ATP6V0A2: variants seen among roughly 807,000 people sequenced by gnomAD.
The protein encoded by ATP6V0A2 is V-type proton ATPase 116 kDa subunit a 2.
ATP6V0A2 carries 58 observed loss-of-function variants against 104.4 expected under a neutral mutation model. That is an observed-to-expected ratio of 0.56 (90% CI 0.45 to 0.69). ATP6V0A2 has a LOEUF of 0.69. Ranked by LOEUF, ATP6V0A2 falls within the 30% of genes least tolerant of loss-of-function variation. ATP6V0A2 has a pLI of 0.00. For missense variants in ATP6V0A2, 938 were observed against 1,062.9 expected, an observed-to-expected ratio of 0.88 and a Z score of 1.63; for synonymous variants, 376 against 397.9, an observed-to-expected ratio of 0.95 and a Z score of 0.65.
intron 19 of ATP6V0A2, 53 bp downstream of exon 19, chr12:123,757,039 C>G (rs1168350203): frequency 5.0e-6 from 8 of 1,592,226 alleles, no homozygotes; most frequent in Non-Finnish European, 6.9e-6. Flanking sequence ...TACCCGCCCC[C>G]CCACTGCCCC....
At chr12:123,745,531 C>A (rs1008455163) in intron 13 of ATP6V0A2, among the ~76,000 whole-genome samples, 1 of 151,962 alleles carries the variant, frequency 6.6e-6, no homozygotes, top group Non-Finnish European at 1.5e-5. Flanking sequence ...ACGGTGAAAC[C>A]CCATCTCTAC....
chr12:123,736,621 CCTT>C (rs1160041027), intron 8 of ATP6V0A2, among the ~76,000 whole-genome samples: 3 of 152,100 alleles, frequency 2.0e-5, no homozygotes, highest in Non-Finnish European at 4.4e-5. Flanking sequence ...CATGAAGTGT[CCTT>C]CTGACTCAGT....
intron 18 of ATP6V0A2, chr12:123,756,187 AGAGCAAACC>A (rs1956762380): frequency 1.3e-5 from 2 of 151,364 alleles, no homozygotes. Flanking sequence ...TAAAGGCCAC[AGAGCAAACC>A]ATTTTTCCCA....
intron 18 of ATP6V0A2, chr12:123,756,465 G>A (rs1205321391): frequency 3.1e-5 from 8 of 258,964 alleles, no homozygotes; most frequent in Non-Finnish European, 5.9e-5. Flanking sequence ...TTTACTCATG[G>A]TCATCCAGTT....
chr12:123,746,430 A>G (rs1313636090), intron 13 of ATP6V0A2, among the ~76,000 whole-genome samples: 1 of 151,940 alleles, frequency 6.6e-6, no homozygotes, highest in East Asian at 1.9e-4. Flanking sequence ...CTAAAATCTT[A>G]TTTTTGCAAG....
intron 2 of ATP6V0A2, among the ~76,000 whole-genome samples, chr12:123,720,061 TCGG>T (rs1296381372): frequency 6.6e-6 from 1 of 152,146 alleles, no homozygotes; most frequent in East Asian, 1.9e-4. Flanking sequence ...TTCCTTTCTC[TCGG>T]CTGACCTTAC....
At chr12:123,733,779 G>T in intron 6 of ATP6V0A2, 147 bp from the exon 7 acceptor site, 1 of 690,046 alleles carries the variant, frequency 1.4e-6, no homozygotes, top group Admixed American at 2.2e-5. Flanking sequence ...ACAAGTAGGT[G>T]AATTCGTAAT....
Position 123,733,728 on chromosome 12 carries a change from A to T in ATP6V0A2, c.649-198A>T, listed in dbSNP as rs1458070850. 3 of 587,098 alleles carry T rather than the reference A, an allele frequency of 5.1e-6. No individual in the cohort carries two copies. In the African/African-American group the frequency reaches 5.6e-5, roughly 11 times the overall value. 36.4% of individuals were successfully genotyped at this position (587,098 alleles called of 1,614,324 possible). A position where few individuals can be genotyped will look rare whatever the true frequency, so the allele number is the denominator to read the frequency against. ...CCTAAAAGTTTTGGCTGCTCTGCAC[A>T]TGACTGGAAGCGCTCCGTGGATTGG... On this transcript the variant is annotated intron_variant, in intron 6 of 19. Coordinates refer to ENST00000330342, the MANE Select transcript of ATP6V0A2 (RefSeq NM_012463.4).
At position 123,761,595 on chromosome 12, in the gene ATP6V0A2, G is replaced by A. The variant is rs556596882; in HGVS notation, c.*3563G>A. 1.3e-5 allele frequency: 2 copies of A among 152,298 alleles called. No homozygotes were observed. Among genetic ancestry groups the A allele is most frequent in the South Asian group, 4.1e-4 (2 of 4,828 alleles). The allele number at this position is 152,298 out of a possible 1,614,324, so 9.4% of individuals were successfully genotyped here. On this transcript the variant is annotated 3_prime_UTR_variant, in exon 20 of 20. Transcript: ENST00000330342. ...TAAGAAGGCTAGGTAGGTTCTTAGGGTTAGCCTGAGTCATCTAGGGGCTCA... is the reference window on the plus strand; with the variant it reads ...TAAGAAGGCTAGGTAGGTTCTTAGGATTAGCCTGAGTCATCTAGGGGCTCA...
Position 123,733,924 on chromosome 12 carries a change from A to T in ATP6V0A2, c.649-2A>T. The stretch of plus-strand genomic sequence containing the variant: ...ACACTTATCCTTATTCATTCTTTGT[A>T]GGGGGAAGTCATAAAATGGTATGTC... On this transcript the variant is annotated splice_acceptor_variant, in intron 6 of 19. Coordinates refer to ENST00000330342, the MANE Select transcript of ATP6V0A2 (RefSeq NM_012463.4). LOFTEE classifies it high-confidence loss of function. 1 of 1,609,050 alleles carries T rather than the reference A, an allele frequency of 6.2e-7. No individual in the cohort carries two copies. Among genetic ancestry groups the T allele is most frequent in the Non-Finnish European group, 8.5e-7 (1 of 1,175,366 alleles).
chr12:123,759,864 CAT>C lies in ATP6V0A2; in HGVS notation c.*1835_*1836del, dbSNP rs1429509730. The C allele has an allele frequency of 6.6e-6, 1 of 152,212 alleles. No homozygotes were observed. Among genetic ancestry groups the C allele is most frequent in the African/African-American group, 2.4e-5 (1 of 41,442 alleles). 9.4% of individuals were successfully genotyped at this position (152,212 alleles called of 1,614,324 possible). The stretch of plus-strand genomic sequence containing the variant: ...TTTGGACTTACTGCTTTTTGTCCCT[CAT>C]ATTAAATTATCAAATGATGCCGATG... On this transcript the variant is annotated 3_prime_UTR_variant, in exon 20 of 20. Coordinates refer to ENST00000330342, the MANE Select transcript of ATP6V0A2 (RefSeq NM_012463.4).
Position 123,712,461 on chromosome 12 carries a change from AC to A in ATP6V0A2, c.-104del. ...CATAGTGCGGGGCCGCGGCCAGGCCACAGGAAGAGCTCGAGGCCCGGGCCGC... is the reference window on the plus strand; with the variant it reads ...CATAGTGCGGGGCCGCGGCCAGGCCAAGGAAGAGCTCGAGGCCCGGGCCGC... On this transcript the variant is annotated 5_prime_UTR_variant, in exon 1 of 20. Coordinates refer to ENST00000330342, the MANE Select transcript of ATP6V0A2 (RefSeq NM_012463.4). 1 of 668,634 alleles carries A rather than the reference AC, an allele frequency of 1.5e-6. No individual in the cohort carries two copies. The highest frequency in any genetic ancestry group is 3.6e-5 in the East Asian group (1 of 27,718). 41.4% of individuals were successfully genotyped at this position (668,634 alleles called of 1,614,324 possible). A position where few individuals can be genotyped will look rare whatever the true frequency, so the allele number is the denominator to read the frequency against.
intron 18 of ATP6V0A2, 34 bp downstream of exon 18, chr12:123,754,571 C>A: frequency 6.9e-7 from 1 of 1,445,986 alleles, no homozygotes; most frequent in Non-Finnish European, 9.7e-7. Context: ...GTTCCCAATG[C>A]CCTGTAGTGC....
rs1386619237 is a variant in ATP6V0A2, at chr12:123,727,971, G to C, written c.648+62G>C. ...GACTAACAGCAGAGTTGGAGATATG[G>C]TAGAAAGAATGTTTTTCTCCTGAAC... On this transcript the variant is annotated intron_variant, in intron 6 of 19. Coordinates refer to ENST00000330342, the MANE Select transcript of ATP6V0A2 (RefSeq NM_012463.4). The C allele has an allele frequency of 4.4e-6, 7 of 1,609,024 alleles. No individual in the cohort carries two copies. The Admixed American group carries it at 5.0e-5, about 12-fold the overall frequency.
chr12:123,722,185 A>T (rs1401129291), intron 2 of ATP6V0A2, among the ~76,000 whole-genome samples, 166 bp from the exon 3 acceptor site: 2 of 152,044 alleles, frequency 1.3e-5, no homozygotes, highest in Non-Finnish European at 2.9e-5. Flanking sequence ...TTTTGGAAAC[A>T]AGGTTGCAAA....
Position 123,748,744 on chromosome 12 carries a change from T to G in ATP6V0A2, c.1894T>G (p.Leu632Val). 1 of 1,614,202 alleles carries G rather than the reference T, an allele frequency of 6.2e-7. No homozygotes were observed. Among genetic ancestry groups the G allele is most frequent in the African/African-American group, 1.3e-5 (1 of 75,046 alleles). Residue 632 changes from leucine to valine, a missense_variant, in exon 15 of 20, where the codon TTA becomes GTA. Leu to Val is a conservative substitution (Grantham distance 32, BLOSUM62 1). Transcript: ENST00000330342. ...TCTGATTGAATTTATTAACATGTTT[T>G]TATTCCCAGCCAGTAAAACAAGTGG... ...SILIEFINMF[L>V]FPASKTSGLY... is the part of the protein sequence containing the mutation.
chr12:123,736,433 C>G (rs537577260), intron 8 of ATP6V0A2, among the ~76,000 whole-genome samples: 76 of 152,164 alleles, frequency 5.0e-4, no homozygotes, highest in African/African-American at 1.8e-3. Flanking sequence ...ACCTCGTGAT[C>G]CACCCGCCTC....
chr12:123,720,065 C>G (rs1028251076), intron 2 of ATP6V0A2, among the ~76,000 whole-genome samples: 17 of 152,248 alleles, frequency 1.1e-4, no homozygotes, highest in African/African-American at 3.6e-4. Context: ...TTTCTCTCGG[C>G]TGACCTTACA....
At chr12:123,751,313 G>A (rs1956712132) in intron 16 of ATP6V0A2, 84 bp downstream of exon 16, 1 of 1,590,882 alleles carries the variant, frequency 6.3e-7, no homozygotes, top group Non-Finnish European at 8.6e-7. Context: ...AACACCTCCT[G>A]GAGGGTCCCT....
Sources: gnomAD v4.1 joint callset for allele counts (sites outside exome capture counted in the v4.1 genomes callset) on GRCh38, gnomAD v4.1.1 for gene constraint, MANE v1.5 for transcripts, NCBI Gene and HGNC (gene_info 2026-07-23, HGNC 2026-07-21) for gene names.